The following IL1RAPL2 variants were observed in gnomAD, a reference collection of about 807,000 sequenced individuals.
IL1RAPL2 encodes the protein X-linked interleukin-1 receptor accessory protein-like 2.
A neutral mutation model predicts 44.1 loss-of-function variants in IL1RAPL2; 3 were observed. That is an observed-to-expected ratio of 0.07 (90% CI 0.03 to 0.18). IL1RAPL2 has a LOEUF of 0.18. IL1RAPL2 is among the 10% of genes least tolerant of loss of function. The pLI is 1.00. For missense variants in IL1RAPL2, 391 were observed against 496.4 expected (o/e 0.79, Z 2.02); for synonymous variants, 181 against 178.8 (o/e 1.01, Z -0.10).
intron 2 of IL1RAPL2, among the ~76,000 whole-genome samples, chrX:104,796,430 G>A (rs1054362039): frequency 8.9e-6 from 1 of 112,238 alleles, no homozygotes; most frequent in Non-Finnish European, 1.9e-5. Context: ...AAACAGGAGG[G>A]TTGGCGGTGG....
chrX:104,908,081 C>G (rs1365802279), intron 2 of IL1RAPL2, among the ~76,000 whole-genome samples: 2 of 110,221 alleles, frequency 1.8e-5, no homozygotes. Context: ...CTCTTTTGAT[C>G]TTTGTTGGTT....
chrX:105,205,364 A>G (rs781984631), intron 3 of IL1RAPL2, among the ~76,000 whole-genome samples: 2 of 108,234 alleles, frequency 1.8e-5, no homozygotes, highest in Non-Finnish European at 3.8e-5. Context: ...TGAGACGGGC[A>G]GATCACCTGA....
chrX:104,890,180 T>G (rs1923382758), intron 2 of IL1RAPL2, among the ~76,000 whole-genome samples: 1 of 112,182 alleles, frequency 8.9e-6, no homozygotes. Context: ...TCCCACATTT[T>G]CTTAATCCAG....
chrX:104,893,691 G>T, intron 2 of IL1RAPL2, among the ~76,000 whole-genome samples: 2 of 111,558 alleles, frequency 1.8e-5, no homozygotes, highest in Non-Finnish European at 3.8e-5. Flanking sequence ...TTCTGCACAT[G>T]AGATGGGTCT....
chrX:104,766,944 G>A (rs1430056383), intron 2 of IL1RAPL2, among the ~76,000 whole-genome samples: 4 of 112,126 alleles, frequency 3.6e-5, no homozygotes, highest in African/African-American at 1.3e-4. Flanking sequence ...CAGTGCTTAA[G>A]GTGTGACTTG....
In IL1RAPL2 at chrX:105,689,572, A is replaced by G. The variant is rs183469345; in HGVS notation, c.773-27795A>G. On this transcript the variant is annotated intron_variant, in intron 6 of 10. Coordinates refer to ENST00000372582, the MANE Select transcript of IL1RAPL2 (RefSeq NM_017416.2). The stretch of plus-strand genomic sequence containing the variant: ...TCATTAAAAAGACAGGAAACAACAG[A>G]TACTGAAGAGGATGTGGAGAAATAG... Among the ~76,000 whole-genome samples, 516 of 111,946 alleles carry G rather than the reference A, an allele frequency of 4.6e-3. 4 individuals carry two copies. Among genetic ancestry groups the G allele is most frequent in the South Asian group, 0.021 (57 of 2,687 alleles).
At chrX:105,680,077 T>G (rs2037910551) in intron 6 of IL1RAPL2, among the ~76,000 whole-genome samples, 1 of 111,273 alleles carries the variant, frequency 9.0e-6, no homozygotes. Context: ...CTCGGCTCAC[T>G]GCAACCTCCG....
At chrX:105,599,616 T>C (rs975092661) in intron 6 of IL1RAPL2, among the ~76,000 whole-genome samples, 3 of 111,253 alleles carry the variant, frequency 2.7e-5, no homozygotes, top group Non-Finnish European at 3.8e-5. Flanking sequence ...CAATCTTTTT[T>C]TAAAAAAAAA....
At chrX:104,865,986 TAGAGAACCCTG>T (rs1922604485) in intron 2 of IL1RAPL2, among the ~76,000 whole-genome samples, 1 of 112,519 alleles carries the variant, frequency 8.9e-6, no homozygotes, top group African/African-American at 3.2e-5. Flanking sequence ...TCTGTCCCTT[TAGAGAACCCTG>T]AGTAATATAC....
At chrX:105,613,125 A>G (rs2037348894) in intron 6 of IL1RAPL2, among the ~76,000 whole-genome samples, 1 of 111,737 alleles carries the variant, frequency 8.9e-6, no homozygotes, top group Admixed American at 9.5e-5. Context: ...AAGAGTGAAG[A>G]GGACTTTGTC....
In IL1RAPL2 at chrX:105,651,161, C is replaced by T. The variant is rs2037640050; in HGVS notation, c.773-66206C>T. 4.5e-5 allele frequency among the ~76,000 whole-genome samples: 5 copies of T among 111,179 alleles called. No individual in the cohort carries two copies. The South Asian group carries it at 1.9e-3, about 42-fold the overall frequency. On this transcript the variant is annotated intron_variant, in intron 6 of 10. Transcript: ENST00000372582. ...CAGACATGATAAACAGCAGGAAAAT[C>T]AGCCGAAGAATGAAAACCAAGGGGA...
chrX:105,267,384 G>T lies in IL1RAPL2; in HGVS notation c.544-4G>T, dbSNP rs749369870. 3 of 1,192,730 alleles carry T rather than the reference G, an allele frequency of 2.5e-6. No individual in the cohort carries two copies. Among genetic ancestry groups the T allele is most frequent in the Non-Finnish European group, 3.4e-6 (3 of 887,734 alleles). ...TTGCTTACTTGCAAATATTTTATCT[G>T]CAGGAATGCAAGCCAAAAATGTGGA... On this transcript the variant is annotated splice_region_variant and splice_polypyrimidine_tract_variant and intron_variant, in intron 4 of 10. Transcript: ENST00000372582.
At chrX:104,817,327 T>C in intron 2 of IL1RAPL2, among the ~76,000 whole-genome samples, 1 of 112,461 alleles carries the variant, frequency 8.9e-6, no homozygotes, top group Non-Finnish European at 1.9e-5. Flanking sequence ...TTTTAGGTTT[T>C]ATGGCTGGCT....
intron 2 of IL1RAPL2, among the ~76,000 whole-genome samples, chrX:105,040,795 G>T (rs1457537853): frequency 4.7e-5 from 5 of 107,291 alleles, no homozygotes; most frequent in Admixed American, 4.0e-4. Flanking sequence ...CTTGCTAGCG[G>T]TCTATCAATT....
At chrX:104,895,467 C>T (rs1229154903) in intron 2 of IL1RAPL2, among the ~76,000 whole-genome samples, 2 of 112,778 alleles carry the variant, frequency 1.8e-5, no homozygotes, top group Non-Finnish European at 3.8e-5. Flanking sequence ...TGTTTACCTA[C>T]TCAAGCCTCA....
chrX:105,682,993 A>C (rs930291718), intron 6 of IL1RAPL2, among the ~76,000 whole-genome samples: 1 of 112,406 alleles, frequency 8.9e-6, no homozygotes, highest in African/African-American at 3.2e-5. Context: ...CAAAATGTCA[A>C]TAAAACATTA....
intron 6 of IL1RAPL2, among the ~76,000 whole-genome samples, chrX:105,538,762 T>G (rs2036698289): frequency 1.8e-5 from 2 of 111,777 alleles, no homozygotes; most frequent in Middle Eastern, 4.6e-3. Context: ...CTCTCTTCAC[T>G]GACAATATAA....
intron 2 of IL1RAPL2, among the ~76,000 whole-genome samples, chrX:104,660,244 C>T (rs1326325247): frequency 9.0e-6 from 1 of 110,924 alleles, no homozygotes; most frequent in African/African-American, 3.3e-5. Context: ...CCTTTGAAGT[C>T]CCATTTTACT....
chrX:105,040,053 C>T (rs1195849977), intron 2 of IL1RAPL2, among the ~76,000 whole-genome samples: 1 of 110,435 alleles, frequency 9.1e-6, no homozygotes, highest in Non-Finnish European at 1.9e-5. Context: ...GAGATATGTC[C>T]CATCAGTACC....
Sources: allele counts gnomAD v4.1 joint callset (sites outside exome capture counted in the v4.1 genomes callset), GRCh38; gene constraint gnomAD v4.1.1; transcripts MANE v1.5; gene names NCBI Gene and HGNC (gene_info 2026-07-23, HGNC 2026-07-21).